Variants in ATP2A1 observed in about 807,000 individuals in gnomAD.
The protein encoded by ATP2A1 is ATPase sarcoplasmic/endoplasmic reticulum Ca2+ transporting 1.
A neutral mutation model predicts 109.5 loss-of-function variants in ATP2A1; 83 were observed. The ratio of observed to expected loss-of-function variants is 0.76; its 90% confidence interval spans 0.63 to 0.91. The LOEUF is 0.91. Ranked by LOEUF, ATP2A1 falls within the 40% of genes least tolerant of loss-of-function variation. The probability of loss-of-function intolerance (pLI) is 0.00; values close to 1 mark genes in which losing one functional copy is unlikely to be tolerated. For synonymous variants in ATP2A1, 505 were observed against 537.6 expected (o/e 0.94, Z 0.84); for missense variants, 1,101 against 1,341.0 (o/e 0.82, Z 2.80).
In ATP2A1 at chr16:28,894,523, A is replaced by C. The variant is rs1033493841; in HGVS notation, c.1203A>C (p.Pro401=). 1 of 1,613,914 alleles carries C rather than the reference A, an allele frequency of 6.2e-7. No homozygotes were observed. Among genetic ancestry groups the C allele is most frequent in the Non-Finnish European group, 8.5e-7 (1 of 1,180,022 alleles). The part of the protein sequence containing the change: ...PEGEVLKNDK[P]VRPGQYDGLV... ...CTGCCAGCTTGAAGAATGATAAGCC[A>C]GTCCGGCCAGGGCAGTATGACGGGC... Residue 401 remains proline, a synonymous_variant, in exon 11 of 23, where the codon CCA becomes CCC. Transcript: ENST00000395503.
intron 3 of ATP2A1, 38 bp downstream of exon 3, chr16:28,879,621 G>T (rs1175747109): frequency 1.2e-6 from 2 of 1,600,222 alleles, no homozygotes; most frequent in African/African-American, 1.3e-5. Flanking sequence ...GGCTGGGGGT[G>T]TGAGGCTGGG....
At position 28,880,836 on chromosome 16, in the gene ATP2A1, C is replaced by A; in HGVS notation, c.220-79C>A. On this transcript the variant is annotated intron_variant, in intron 3 of 22. Coordinates refer to ENST00000395503, the MANE Select transcript of ATP2A1 (RefSeq NM_004320.6). This position sits in a 1 kb window ranked among gnomAD's most constrained non-coding sequence, Gnocchi z 4.2. ...CCTGCACTCTCCTGCACAGTTCTCCCCTTTGCAGTGGTCCACTTCCTTTCT... is the reference window on the plus strand; with the variant it reads ...CCTGCACTCTCCTGCACAGTTCTCCACTTTGCAGTGGTCCACTTCCTTTCT... 7.3e-7 allele frequency: 1 copy of A among 1,364,596 alleles called. No individual in the cohort carries two copies. Among genetic ancestry groups the A allele is most frequent in the Non-Finnish European group, 1.0e-6 (1 of 953,682 alleles). 84.5% of individuals were successfully genotyped at this position (1,364,596 alleles called of 1,614,324 possible).
At chr16:28,897,695 C>T (rs1334682619) in intron 12 of ATP2A1, among the ~76,000 whole-genome samples, 2 of 152,114 alleles carry the variant, frequency 1.3e-5, no homozygotes, top group Non-Finnish European at 2.9e-5. Context: ...GTCTCGAACT[C>T]CTGACCTCAA....
At chr16:28,879,688 C>A in intron 3 of ATP2A1, 105 bp downstream of exon 3, 1 of 1,320,820 alleles carries the variant, frequency 7.6e-7, no homozygotes. Context: ...TCCCGAGCAT[C>A]CCATTGTACA....
intron 6 of ATP2A1, 75 bp from the exon 7 acceptor site, chr16:28,887,114 G>T: frequency 6.8e-7 from 1 of 1,474,432 alleles, no homozygotes; most frequent in South Asian, 1.1e-5. Flanking sequence ...TGCTGAGCAG[G>T]GAGAGAGTTA....
rs140547832 is a variant in ATP2A1, at chr16:28,900,667, C to A, written c.1851C>A (p.Ala617=). Reference sequence around the variant, plus strand: ...GCTCCATCCAGCTGTGCCGTGACGCCGGGATCCGGGTGATCATGATCACTG... The same window carrying A: ...GCTCCATCCAGCTGTGCCGTGACGCAGGGATCCGGGTGATCATGATCACTG... ...VTGSIQLCRD[A]GIRVIMITGD... The change falls in exon 15 of 23, where the codon GCC becomes GCA. Residue 617 remains alanine, a synonymous_variant. Transcript: ENST00000395503. 6 of 1,609,976 alleles carry A rather than the reference C, an allele frequency of 3.7e-6. No individual in the cohort carries two copies. Among genetic ancestry groups the A allele is most frequent in the Non-Finnish European group, 4.2e-6 (5 of 1,176,766 alleles).
rs1280467800 is a variant in ATP2A1 at position 28,884,592 on chromosome 16, G to A, written c.481G>A (p.Ala161Thr). The A allele has an allele frequency of 1.9e-6, 3 of 1,613,642 alleles. No individual in the cohort carries two copies. Among genetic ancestry groups the A allele is most frequent in the East Asian group, 2.2e-5 (1 of 44,888 alleles). Residue 161 changes from alanine to threonine, a missense_variant, in exon 6 of 23, where the codon GCA becomes ACA. Transcript: ENST00000395503. ...VEVAVGDKVPADIRILAIKST... is the reference protein window; with the variant it reads ...VEVAVGDKVPTDIRILAIKST... ...CTCCACAGTGGGGGACAAAGTCCCT[G>A]CAGACATCCGAATCCTCGCCATCAA...
At position 28,888,842 on chromosome 16, in the gene ATP2A1, G is replaced by A. The variant is rs1363986562; in HGVS notation, c.984G>A (p.Lys328=). Residue 328 remains lysine, a synonymous_variant, in exon 9 of 23, where the codon AAG becomes AAA. Transcript: ENST00000395503. ...CLALGTRRMA[K]KNAIVRSLPS... is the part of the protein sequence containing the mutation. Reference sequence around the variant, plus strand: ...CCCTGGGTACCCGTCGGATGGCAAAGAAGAATGCCATTGTAAGAAGCTTGC... The same window carrying A: ...CCCTGGGTACCCGTCGGATGGCAAAAAAGAATGCCATTGTAAGAAGCTTGC... 1 of 1,607,802 alleles carries A rather than the reference G, an allele frequency of 6.2e-7. No individual in the cohort carries two copies. Among genetic ancestry groups the A allele is most frequent in the Non-Finnish European group, 8.5e-7 (1 of 1,176,238 alleles).
At chr16:28,887,403 T>C in intron 7 of ATP2A1, 22 bp from the exon 8 acceptor site, 1 of 1,614,024 alleles carries the variant, frequency 6.2e-7, no homozygotes, top group South Asian at 1.1e-5. Flanking sequence ...CCTGATTCCC[T>C]GCCTCCTCTT....
At chr16:28,886,593 G>T (rs1262188591) in intron 6 of ATP2A1, among the ~76,000 whole-genome samples, 3 of 152,056 alleles carry the variant, frequency 2.0e-5, no homozygotes, top group Non-Finnish European at 2.9e-5. Flanking sequence ...GTTTTGCAGT[G>T]TACATGTCCT....
chr16:28,881,039 TA>T lies in ATP2A1; in HGVS notation c.324+21del. 1 of 1,606,158 alleles carries T rather than the reference TA, an allele frequency of 6.2e-7. No individual in the cohort carries two copies. The highest frequency in any genetic ancestry group is 8.5e-7 in the Non-Finnish European group (1 of 1,172,732). ...TGGCAGGTTAGCGTTGACCCTTCCTTACCCCTTCATGTCCCAACAGTGAAGA... is the reference window on the plus strand; with the variant it reads ...TGGCAGGTTAGCGTTGACCCTTCCTTCCCCTTCATGTCCCAACAGTGAAGA... On this transcript the variant is annotated intron_variant, in intron 4 of 22. Coordinates refer to ENST00000395503, the MANE Select transcript of ATP2A1 (RefSeq NM_004320.6).
intron 8 of ATP2A1, 86 bp downstream of exon 8, chr16:28,887,808 T>A (rs1963656425): frequency 1.3e-6 from 2 of 1,533,478 alleles, no homozygotes; most frequent in African/African-American, 2.8e-5. Context: ...TTTTTTTCTT[T>A]TTTGTTTTTT....
Position 28,901,945 on chromosome 16 carries a change from A to G in ATP2A1, c.2183A>G (p.Lys728Arg), listed in dbSNP as rs747116287. The G allele has an allele frequency of 8.1e-6, 13 of 1,614,130 alleles. No individual in the cohort carries two copies. In the South Asian group the frequency reaches 1.4e-4, roughly 18 times the overall value. The change falls in exon 16 of 23, where the codon AAG becomes AGG. Residue 728 changes from lysine to arginine, a missense_variant. By Grantham distance (26) the Lys-to-Arg change is conservative. Coordinates refer to ENST00000395503, the MANE Select transcript of ATP2A1 (RefSeq NM_004320.6). ...IAMGSGTAVA[K>R]TASEMVLADD... Reference sequence around the variant, plus strand: ...ATGGGATCTGGCACTGCCGTGGCCAAGACTGCCTCTGAGATGGTGCTGGCT... The same window carrying G: ...ATGGGATCTGGCACTGCCGTGGCCAGGACTGCCTCTGAGATGGTGCTGGCT...
At position 28,887,109 on chromosome 16, in the gene ATP2A1, A is replaced by G. The variant is rs1415372445; in HGVS notation, c.545-80A>G. ...GTCCTTACCAGGAGCTGTCCTGCTG[A>G]GCAGGGAGAGAGTTAGGCACGGGAA... On this transcript the variant is annotated intron_variant, in intron 6 of 22. Coordinates refer to ENST00000395503, the MANE Select transcript of ATP2A1 (RefSeq NM_004320.6). 4.9e-6 allele frequency: 7 copies of G among 1,441,576 alleles called. No individual in the cohort carries two copies. In the African/African-American group the frequency reaches 8.4e-5, roughly 17 times the overall value. The allele number at this position is 1,441,576 out of a possible 1,614,324, so 89.3% of individuals were successfully genotyped here.
rs1378955385 is a variant in ATP2A1 at position 28,904,429 on chromosome 16, G to C, written c.*287G>C. On this transcript the variant is annotated 3_prime_UTR_variant, in exon 23 of 23. Transcript: ENST00000395503. ...GGGACAAGGCGACCGACTGCGCTGA[G>C]CTGCTTATTTATTGAAAATAAACGA... 4.6e-6 allele frequency: 7 copies of C among 1,532,028 alleles called. No individual in the cohort carries two copies. In the Middle Eastern group the frequency reaches 6.7e-4, roughly 147 times the overall value. The allele number at this position is 1,532,028 out of a possible 1,614,324, so 94.9% of individuals were successfully genotyped here.
At chr16:28,889,111 A>T (rs1299705700) in intron 9 of ATP2A1, among the ~76,000 whole-genome samples, 158 bp downstream of exon 9, 1 of 152,098 alleles carries the variant, frequency 6.6e-6, no homozygotes, top group Non-Finnish European at 1.5e-5. Flanking sequence ...TCTGCCATGA[A>T]CGGGATCAGA....
At position 28,882,481 on chromosome 16, in the gene ATP2A1, C is replaced by T; in HGVS notation, c.355C>T (p.Leu119=). 6.2e-7 allele frequency: 1 copy of T among 1,614,198 alleles called. No individual in the cohort carries two copies. Among genetic ancestry groups the T allele is most frequent in the Non-Finnish European group, 8.5e-7 (1 of 1,180,042 alleles). Residue 119 remains leucine (L), a synonymous_variant, in exon 5 of 23, where the codon CTG becomes TTG. Coordinates refer to ENST00000395503, the MANE Select transcript of ATP2A1 (RefSeq NM_004320.6). ...ERNAENAIEA[L]KEYEPEMGKV... is the part of the protein sequence containing the mutation. The stretch of plus-strand genomic sequence containing the variant: ...GAACGCAGAGAACGCCATCGAGGCC[C>T]TGAAGGAGTATGAGCCAGAGATGGG...
chr16:28,883,750 C>T lies in ATP2A1; in HGVS notation c.464-825C>T, dbSNP rs775604643. 2.6e-5 allele frequency among the ~76,000 whole-genome samples: 4 copies of T among 152,118 alleles called. No homozygotes were observed. The highest frequency in any genetic ancestry group is 7.2e-5 in the African/African-American group (3 of 41,416). Reference sequence around the variant, plus strand: ...CATTCACTCTCCAGCCTGTGCTGCCCGCCCCACTCTTCCACACCTGTTTCC... The same window carrying T: ...CATTCACTCTCCAGCCTGTGCTGCCTGCCCCACTCTTCCACACCTGTTTCC... On this transcript the variant is annotated intron_variant, in intron 5 of 22. Transcript: ENST00000395503. This position sits in a 1 kb window ranked among gnomAD's most constrained non-coding sequence, Gnocchi z 5.2.
intron 14 of ATP2A1, among the ~76,000 whole-genome samples, chr16:28,900,060 C>G (rs117585079): frequency 6.6e-6 from 1 of 151,434 alleles, no homozygotes. Flanking sequence ...ATTGGGAGGC[C>G]GAGGCTGGAG....
Sources: gnomAD v4.1 joint callset for allele counts (sites outside exome capture counted in the v4.1 genomes callset) on GRCh38, gnomAD v4.1.1 for gene constraint, Gnocchi (gnomAD v3.1) non-coding constraint, MANE v1.5 for transcripts, NCBI Gene and HGNC (gene_info 2026-07-23, HGNC 2026-07-21) for gene names.